CCDC22: variants seen among roughly 807,000 people sequenced by gnomAD.
CCDC22 encodes coiled-coil domain-containing protein 22.
CCDC22 carries 4 observed loss-of-function variants against 53.1 expected under a neutral mutation model. The ratio of observed to expected loss-of-function variants is 0.08; its 90% CI spans 0.04 to 0.17. The LOEUF (loss-of-function observed/expected upper bound fraction) is 0.17, where lower values mean the gene tolerates loss of function less well. Among genes scored for constraint, CCDC22 ranks in the 10% least tolerant of loss-of-function variants. The pLI is 1.00. For missense variants in CCDC22, 458 were observed against 554.0 expected (o/e 0.83, Z 1.74); for synonymous variants, 222 against 224.4 (o/e 0.99, Z 0.10).
At position 49,248,808 on chromosome X, in the gene CCDC22, C is replaced by T; in HGVS notation, c.1432-9C>T. On this transcript the variant is annotated splice_polypyrimidine_tract_variant and intron_variant, in intron 12 of 16. Coordinates refer to ENST00000376227, the MANE Select transcript of CCDC22 (RefSeq NM_014008.5). ...GTCCTGGGGCAGTGCCTGCTATATC[C>T]CTGCCTAGATGTCAGAGCTGGAGAC... is the stretch of plus-strand genomic sequence containing the variant. The T allele has an allele frequency of 8.3e-7, 1 of 1,208,527 alleles. No homozygotes were observed. The highest frequency in any genetic ancestry group is 1.1e-6 in the Non-Finnish European group (1 of 893,927).
rs868991585 is a variant in CCDC22 at position 49,237,090 on chromosome X, G to A, written c.55G>A (p.Val19Ile). Residue 19 changes from valine to isoleucine, a missense_variant, in exon 2 of 17, where the codon GTT becomes ATT. Val to Ile is a conservative substitution (Grantham distance 29, BLOSUM62 3). Coordinates refer to ENST00000376227, the MANE Select transcript of CCDC22 (RefSeq NM_014008.5). Reference sequence around the variant, plus strand: ...CAAGCTGGTCCCCTTCTTCAGGGCAGTTCCTCCAGATGTGCAGACCTTGCG... The same window carrying A: ...CAAGCTGGTCCCCTTCTTCAGGGCAATTCCTCCAGATGTGCAGACCTTGCG... Reference protein sequence around the residue: ...IHSLRQAGTAVPPDVQTLRAF... With the variant: ...IHSLRQAGTAIPPDVQTLRAF... The A allele has an allele frequency of 8.3e-7, 1 of 1,208,444 alleles. No homozygotes were observed. Among genetic ancestry groups the A allele is most frequent in the Non-Finnish European group, 1.1e-6 (1 of 892,620 alleles).
chrX:49,238,640 G>A (rs1557113052), intron 2 of CCDC22, among the ~76,000 whole-genome samples: 1 of 112,411 alleles, frequency 8.9e-6, no homozygotes, highest in Non-Finnish European at 1.9e-5. Flanking sequence ...TGCCCAGGCT[G>A]GTCTTGAACT....
intron 7 of CCDC22, 106 bp downstream of exon 7, chrX:49,247,031 C>A: frequency 1.4e-6 from 1 of 721,548 alleles, no homozygotes; most frequent in Non-Finnish European, 2.1e-6. Context: ...CCTGTGTTCC[C>A]ACTGGACAGG....
chrX:49,248,966 C>T (rs2066007655), intron 13 of CCDC22, 42 bp downstream of exon 13: 1 of 1,190,759 alleles, frequency 8.4e-7, no homozygotes, highest in Admixed American at 2.3e-5. Flanking sequence ...TGTGGGCTGT[C>T]AGGCATAGTG....
chrX:49,248,705 C>T lies in CCDC22; in HGVS notation c.1402C>T (p.Arg468Cys). 2 of 1,210,413 alleles carry T rather than the reference C, an allele frequency of 1.7e-6. No homozygotes were observed. The highest frequency in any genetic ancestry group is 2.2e-6 in the Non-Finnish European group (2 of 895,077). ...TGTCCGGGCGGCTGCTGAAGAGGCC[C>T]GCAGGAAGGAGGAGGTCTATAAGCA... ...QSVRAAAEEA[R>C]RKEEVYKQLM... Residue 468 changes from arginine (R) to cysteine (C), a missense_variant, in exon 12 of 17, where the codon CGC becomes TGC. Physicochemically the swap from Arg to Cys is radical, Grantham distance 180. Around this residue, in one of 4 missense-constraint regions of CCDC22, gnomAD observed 309 missense variants for 312.3 expected, o/e 0.99. Coordinates refer to ENST00000376227, the MANE Select transcript of CCDC22 (RefSeq NM_014008.5).
chrX:49,241,974 A>T (rs1557113410), intron 2 of CCDC22, 42 bp from the exon 3 acceptor site: 2 of 1,197,863 alleles, frequency 1.7e-6, no homozygotes, highest in Non-Finnish European at 2.3e-6. Flanking sequence ...CCAGGGCAGG[A>T]GGACCCTGCC....
At chrX:49,245,967 GTTTTGTTTTTT>G (rs1418677741) in intron 6 of CCDC22, among the ~76,000 whole-genome samples, 5 of 65,734 alleles carry the variant, frequency 7.6e-5, no homozygotes, top group African/African-American at 1.5e-4. Context: ...GTTTTGTTTT[GTTTTGTTTTTT>G]TTTTGTTTTT....
rs370496191 is a variant in CCDC22 at position 49,243,444 on chromosome X, A to G, written c.696A>G (p.Thr232=). 8.5e-7 allele frequency: 1 copy of G among 1,177,729 alleles called. No homozygotes were observed. Among genetic ancestry groups the G allele is most frequent in the African/African-American group, 1.8e-5 (1 of 56,658 alleles). ...RPGDEDWVHR[T]SRLPPQEDTR... ...GGGATGAGGACTGGGTCCACCGGAC[A>G]TCCCGCCTCCCACCCCAGGTACAGC... Residue 232 remains threonine (T), a synonymous_variant, in exon 6 of 17, where the codon ACA becomes ACG. Coordinates refer to ENST00000376227, the MANE Select transcript of CCDC22 (RefSeq NM_014008.5).
intron 3 of CCDC22, chrX:49,242,369 G>A (rs782060031): frequency 1.3e-4 from 94 of 736,584 alleles, no homozygotes; most frequent in African/African-American, 4.2e-4. Flanking sequence ...GCGTTGGTGC[G>A]GGGAGGGGCC....
chrX:49,242,299 C>T lies in CCDC22; in HGVS notation c.361+151C>T, dbSNP rs182527269. On this transcript the variant is annotated intron_variant, in intron 3 of 16. Coordinates refer to ENST00000376227, the MANE Select transcript of CCDC22 (RefSeq NM_014008.5). ...AGGAGAGCTAGGCAGGAGGATTAGGCATCAGAGAGGGGCTACAGGGCAGGG... is the reference window on the plus strand; with the variant it reads ...AGGAGAGCTAGGCAGGAGGATTAGGTATCAGAGAGGGGCTACAGGGCAGGG... 1.2e-4 allele frequency: 131 copies of T among 1,078,426 alleles called. No individual in the cohort carries two copies. The African/African-American group carries it at 2.1e-3, about 18-fold the overall frequency. 88.9% of individuals were successfully genotyped at this position (1,078,426 alleles called of 1,213,427 possible). A position where few individuals can be genotyped will look rare whatever the true frequency, so the allele number is the denominator to read the frequency against.
In CCDC22 at chrX:49,242,122, C is replaced by T. The variant is rs782726630; in HGVS notation, c.335C>T (p.Ala112Val). The T allele has an allele frequency of 8.3e-6, 10 of 1,210,631 alleles. No homozygotes were observed. Among genetic ancestry groups the T allele is most frequent in the Admixed American group, 6.5e-5 (3 of 45,942 alleles). ...LFLAERLPTD[A>V]SEDADQPAGD... ...TTGGCTGAGCGTCTGCCCACCGATG[C>T]CTCTGAGGATGCAGACCAGCCTGCA... is the stretch of plus-strand genomic sequence containing the variant. Residue 112 changes from alanine to valine, a missense_variant, in exon 3 of 17, where the codon GCC (alanine) becomes GTC (valine). Physicochemically the swap from Ala to Val is moderately conservative, Grantham distance 64. Coordinates refer to ENST00000376227, the MANE Select transcript of CCDC22 (RefSeq NM_014008.5).
Position 49,243,387 on chromosome X carries a change from G to T in CCDC22, c.639G>T (p.Gln213His). The change falls in exon 6 of 17, where the codon CAG becomes CAT. Residue 213 changes from glutamine to histidine, a missense_variant. Around this residue, in one of 4 missense-constraint regions of CCDC22, gnomAD observed 309 missense variants for 312.3 expected, o/e 0.99. Transcript: ENST00000376227. Reference protein sequence around the residue: ...VASLLEHHALQLCQQTGRDRP... With the variant: ...VASLLEHHALHLCQQTGRDRP... The stretch of plus-strand genomic sequence containing the variant: ...CGCTCCTCGAACACCATGCCCTGCA[G>T]CTCTGCCAGCAGACGGGCCGGGACC... 8.3e-7 allele frequency: 1 copy of T among 1,205,320 alleles called. No homozygotes were observed. Among genetic ancestry groups the T allele is most frequent in the Non-Finnish European group, 1.1e-6 (1 of 892,194 alleles).
At chrX:49,242,205 G>C in intron 3 of CCDC22, 57 bp downstream of exon 3, 1 of 1,197,112 alleles carries the variant, frequency 8.4e-7, no homozygotes, top group Non-Finnish European at 1.1e-6. Context: ...GGCCTTCTAG[G>C]GGCTGTAGGG....
Position 49,249,544 on chromosome X carries a change from T to C in CCDC22, c.1671T>C (p.Tyr557=), listed in dbSNP as rs782447253. 4 of 1,189,534 alleles carry C rather than the reference T, an allele frequency of 3.4e-6. No homozygotes were observed. The highest frequency in any genetic ancestry group is 4.7e-5 in the Admixed American group (2 of 42,256). The change falls in exon 15 of 17, where the codon TAT becomes TAC. Residue 557 remains tyrosine, a synonymous_variant. Transcript: ENST00000376227. The part of the protein sequence containing the change: ...AKKDDAVRKA[Y]KYLAALHENC... ...AGGACGATGCTGTTCGGAAGGCCTA[T>C]AAGTATCTAGCTGCTCTGCACGAGG...
chrX:49,243,029 C>A, intron 4 of CCDC22, 37 bp downstream of exon 4: 1 of 1,133,609 alleles, frequency 8.8e-7, no homozygotes, highest in Non-Finnish European at 1.2e-6. Context: ...TCTCTTGTCC[C>A]CGTCTGGGTG....
At chrX:49,247,241 T>C (rs1316920181) in intron 7 of CCDC22, among the ~76,000 whole-genome samples, 1 of 112,848 alleles carries the variant, frequency 8.9e-6, no homozygotes, top group Non-Finnish European at 1.9e-5. Context: ...ATCCTTCTCA[T>C]GGGCATTTGA....
rs1457565164 is a variant in CCDC22, at chrX:49,235,892, C to T, written c.50+206C>T. ...ACACACACACCGCCCTCCCTGACAC[C>T]GACATCAGAGGCCTCCCAAATCCTT... On this transcript the variant is annotated intron_variant, in intron 1 of 16. Coordinates refer to ENST00000376227, the MANE Select transcript of CCDC22 (RefSeq NM_014008.5). Among the ~76,000 whole-genome samples, 3 of 107,833 alleles carry T rather than the reference C, an allele frequency of 2.8e-5. 1 individual carries two copies. Among genetic ancestry groups the T allele is most frequent in the Non-Finnish European group, 5.8e-5 (3 of 52,009 alleles). 93.6% of individuals were successfully genotyped at this position (107,833 alleles called of 115,157 possible). A position where few individuals can be genotyped will look rare whatever the true frequency, so the allele number is the denominator to read the frequency against.
chrX:49,245,718 G>A (rs1557114080), intron 6 of CCDC22, among the ~76,000 whole-genome samples: 1 of 112,435 alleles, frequency 8.9e-6, no homozygotes, highest in East Asian at 2.8e-4. Context: ...CATAAATGTA[G>A]AGAGAATATT....
intron 3 of CCDC22, 151 bp from the exon 4 acceptor site, chrX:49,242,735 C>T (rs112993902): frequency 9.6e-4 from 377 of 392,932 alleles, no homozygotes; most frequent in African/African-American, 7.2e-3. Context: ...AGTAGGTGCT[C>T]GGTGTTTGTT....
Sources: allele counts gnomAD v4.1 joint callset (sites outside exome capture counted in the v4.1 genomes callset), GRCh38; gene constraint gnomAD v4.1.1; regional missense constraint gnomAD v4.1.1; transcripts MANE v1.5; gene names NCBI Gene and HGNC (gene_info 2026-07-23, HGNC 2026-07-21).